SPEG: variants seen among roughly 807,000 people sequenced by gnomAD.
SPEG encodes the protein striated muscle preferentially expressed protein kinase.
A neutral mutation model predicts 300.4 loss-of-function variants in SPEG; 114 were observed. That is an observed-to-expected ratio of 0.38 (90% CI 0.33 to 0.44). SPEG has a LOEUF of 0.44. Ranked by LOEUF, SPEG falls within the 20% of genes least tolerant of loss-of-function variation. SPEG has a pLI of 1.00. For missense variants in SPEG, 4,201 were observed against 4,586.2 expected, an observed-to-expected ratio of 0.92 and a Z score of 2.43; for synonymous variants, 1,964 against 2,018.9, an observed-to-expected ratio of 0.97 and a Z score of 0.73.
At chr2:219,454,549 G>A (rs76942596) in intron 6 of SPEG, among the ~76,000 whole-genome samples, 1,554 of 152,292 alleles carry the variant, frequency 0.01, 21 homozygotes, top group African/African-American at 0.035. Flanking sequence ...GCCCTTTCAC[G>A]TCTCTTCCCT....
In SPEG at chr2:219,493,597, T is replaced by C. The variant is rs756326894; in HGVS notation, c.*811T>C. The C allele has an allele frequency of 2.1e-6, 1 of 465,474 alleles. No homozygotes were observed. Among genetic ancestry groups the C allele is most frequent in the East Asian group, 6.5e-5 (1 of 15,438 alleles). 28.8% of individuals were successfully genotyped at this position (465,474 alleles called of 1,614,324 possible). A position where few individuals can be genotyped will look rare whatever the true frequency, so the allele number is the denominator to read the frequency against. Reference sequence around the variant, plus strand: ...TCCCAGCCATCCAGCTGTCTGTCTGTCTGCCACAAGGAAATAAAAATGGCA... The same window carrying C: ...TCCCAGCCATCCAGCTGTCTGTCTGCCTGCCACAAGGAAATAAAAATGGCA... On this transcript the variant is annotated 3_prime_UTR_variant, in exon 41 of 41. Coordinates refer to ENST00000312358, the MANE Select transcript of SPEG (RefSeq NM_005876.5).
Position 219,477,061 on chromosome 2 carries a change from A to G in SPEG, c.4560+79A>G. 7.8e-7 allele frequency: 1 copy of G among 1,288,158 alleles called. No individual in the cohort carries two copies. The highest frequency in any genetic ancestry group is 1.1e-6 in the Non-Finnish European group (1 of 926,458). The allele number at this position is 1,288,158 out of a possible 1,614,324, so 79.8% of individuals were successfully genotyped here. A position where few individuals can be genotyped will look rare whatever the true frequency, so the allele number is the denominator to read the frequency against. ...GCGTGGGAGGGTCCTGGAAGGCCTT[A>G]GGAGGGCGGAGCCCGGGCAGAGGCG... On this transcript the variant is annotated intron_variant, in intron 19 of 40. Coordinates refer to ENST00000312358, the MANE Select transcript of SPEG (RefSeq NM_005876.5). This position sits in a 1 kb window ranked among gnomAD's most constrained non-coding sequence, Gnocchi z 6.4.
chr2:219,489,687 G>A lies in SPEG; in HGVS notation c.8669G>A (p.Gly2890Glu), dbSNP rs372724045. The change falls in exon 36 of 41, where the codon GGG becomes GAG. Residue 2890 changes from glycine (G) to glutamate (E), a missense_variant. Gly to Glu is a moderately conservative substitution (Grantham distance 98). Around this residue, in one of 4 missense-constraint regions of SPEG, gnomAD observed 1,578 missense variants for 1,506.0 expected, o/e 1.05. Coordinates refer to ENST00000312358, the MANE Select transcript of SPEG (RefSeq NM_005876.5). The stretch of plus-strand genomic sequence containing the variant: ...CCGATCCCAGCCTCCACTCCTCAAG[G>A]GGTTAAACCAGTGTCTTCCTCTACT... ...GTPIPASTPQ[G>E]VKPVSSSTPV... 25 of 1,613,964 alleles carry A rather than the reference G, an allele frequency of 1.5e-5. No homozygotes were observed. The African/African-American group carries it at 3.3e-4, about 22-fold the overall frequency.
At position 219,435,135 on chromosome 2, in the gene SPEG, C is replaced by T. The variant is rs1202434599; in HGVS notation, c.158C>T (p.Ala53Val). Residue 53 changes from alanine (A) to valine (V), a missense_variant, in exon 1 of 41, where the codon GCG becomes GTG. This residue lies in a region of SPEG where 1,258 missense variants were observed against 1,293.9 expected (regional missense o/e 0.97). Coordinates refer to ENST00000312358, the MANE Select transcript of SPEG (RefSeq NM_005876.5). ...PVFLRPLKNA[A>V]VCAGSDVRLR... ...TTCCTGCGGCCCCTGAAGAACGCGG[C>T]GGTGTGCGCGGGCAGCGACGTGCGG... is the stretch of plus-strand genomic sequence containing the variant. 4 of 1,456,744 alleles carry T rather than the reference C, an allele frequency of 2.7e-6. No homozygotes were observed. The highest frequency in any genetic ancestry group is 2.6e-5 in the Admixed American group (1 of 37,788). The allele number at this position is 1,456,744 out of a possible 1,614,324, so 90.2% of individuals were successfully genotyped here.
In SPEG at chr2:219,449,266, A is replaced by C; in HGVS notation, c.2108A>C (p.Glu703Ala). 2.2e-6 allele frequency: 3 copies of C among 1,385,684 alleles called. No homozygotes were observed. The highest frequency in any genetic ancestry group is 2.8e-6 in the Non-Finnish European group (3 of 1,070,800). 85.8% of individuals were successfully genotyped at this position (1,385,684 alleles called of 1,614,324 possible). A position where few individuals can be genotyped will look rare whatever the true frequency, so the allele number is the denominator to read the frequency against. Residue 703 changes from glutamate (E) to alanine (A), a missense_variant, in exon 4 of 41, where the codon GAG becomes GCG. Transcript: ENST00000312358. ...KGRRARPTSP[E>A]LESSDDSYVS... is the part of the protein sequence containing the mutation. ...CGCCGGGCCCGGCCCACCTCCCCTGAGCTCGGTAAGGCCTCAGGGAGGGCT... is the reference window on the plus strand; with the variant it reads ...CGCCGGGCCCGGCCCACCTCCCCTGCGCTCGGTAAGGCCTCAGGGAGGGCT...
chr2:219,451,910 G>A lies in SPEG; in HGVS notation c.2440+103G>A. 1 of 1,243,344 alleles carries A rather than the reference G, an allele frequency of 8.0e-7. No homozygotes were observed. Among genetic ancestry groups the A allele is most frequent in the Non-Finnish European group, 1.1e-6 (1 of 926,138 alleles). 77.0% of individuals were successfully genotyped at this position (1,243,344 alleles called of 1,614,324 possible). On this transcript the variant is annotated intron_variant, in intron 6 of 40. Coordinates refer to ENST00000312358, the MANE Select transcript of SPEG (RefSeq NM_005876.5). The surrounding 1 kb of genome is among the most constrained non-coding windows in gnomAD (Gnocchi z 6.4). ...CTTCCCACTCTCAGCCTTGAGCTTG[G>A]GCACCCCGCCAGCATACTTAGTCCA...
rs997268636 is a variant in SPEG, at chr2:219,473,974, C to T, written c.4447+71C>T. Reference sequence around the variant, plus strand: ...AGCTCTCTACTCACACCCCCAGGTACACAACCTGCCTGACACTGCTGCAGA... The same window carrying T: ...AGCTCTCTACTCACACCCCCAGGTATACAACCTGCCTGACACTGCTGCAGA... On this transcript the variant is annotated intron_variant, in intron 18 of 40. Coordinates refer to ENST00000312358, the MANE Select transcript of SPEG (RefSeq NM_005876.5). This position sits in a 1 kb window ranked among gnomAD's most constrained non-coding sequence, Gnocchi z 4.6. 2.3e-5 allele frequency: 35 copies of T among 1,496,670 alleles called. No homozygotes were observed. The African/African-American group carries it at 4.4e-4, about 19-fold the overall frequency. The allele number at this position is 1,496,670 out of a possible 1,614,324, so 92.7% of individuals were successfully genotyped here.
chr2:219,464,832 C>T lies in SPEG; in HGVS notation c.2881+224C>T, dbSNP rs1196511152. The T allele has an allele frequency of 1.9e-6, 1 of 539,300 alleles. No individual in the cohort carries two copies. Among genetic ancestry groups the T allele is most frequent in the Non-Finnish European group, 3.3e-6 (1 of 303,600 alleles). 33.4% of individuals were successfully genotyped at this position (539,300 alleles called of 1,614,324 possible). A position where few individuals can be genotyped will look rare whatever the true frequency, so the allele number is the denominator to read the frequency against. On this transcript the variant is annotated intron_variant, in intron 9 of 40. Coordinates refer to ENST00000312358, the MANE Select transcript of SPEG (RefSeq NM_005876.5). This position sits in a 1 kb window ranked among gnomAD's most constrained non-coding sequence, Gnocchi z 4.5. ...ATTGTTCCGTGCTCAGCTTACTACA[C>T]AACACCACCTTCCCTGTTGCTCCAT...
In SPEG at chr2:219,481,648, G is replaced by A. The variant is rs759067349; in HGVS notation, c.5533G>A (p.Ala1845Thr). 6.8e-6 allele frequency: 11 copies of A among 1,613,952 alleles called. No homozygotes were observed. Among genetic ancestry groups the A allele is most frequent in the South Asian group, 3.3e-5 (3 of 91,078 alleles). ...VLVQDRLRPT[A>T]EETLEHPWFK... ...CTCATTCATTCACAGGAGACCTACC[G>A]CAGAAGAGACCCTAGAACATCCTTG... is the stretch of plus-strand genomic sequence containing the variant. The change falls in exon 28 of 41, where the codon GCA (alanine) becomes ACA (threonine). Residue 1845 changes from alanine to threonine, a missense_variant. Transcript: ENST00000312358. This position sits in a 1 kb window ranked among gnomAD's most constrained non-coding sequence, Gnocchi z 5.4.
chr2:219,485,894 G>A (rs1693371308), intron 31 of SPEG, among the ~76,000 whole-genome samples: 1 of 152,050 alleles, frequency 6.6e-6, no homozygotes, highest in Admixed American at 6.5e-5. Flanking sequence ...CTCTCTCCTG[G>A]GAGACCCTAG....
At chr2:219,446,709 C>A (rs1575050750) in intron 3 of SPEG, among the ~76,000 whole-genome samples, 1 of 152,102 alleles carries the variant, frequency 6.6e-6, no homozygotes, top group African/African-American at 2.4e-5. Context: ...AGGATTCTGA[C>A]TGCCTGGGTT....
Position 219,479,008 on chromosome 2 carries a change from G to C in SPEG, c.5028-136G>C, listed in dbSNP as rs960263787. ...GGGAGGGGGTACACGTGGAGGAGCG[G>C]AGAGGCAGTCTCTGGCTAGTATCAA... is the stretch of plus-strand genomic sequence containing the variant. On this transcript the variant is annotated intron_variant, in intron 22 of 40. Coordinates refer to ENST00000312358, the MANE Select transcript of SPEG (RefSeq NM_005876.5). This position sits in a 1 kb window ranked among gnomAD's most constrained non-coding sequence, Gnocchi z 5.5. The C allele has an allele frequency of 8.2e-6, 6 of 732,852 alleles. No homozygotes were observed. The highest frequency in any genetic ancestry group is 1.4e-5 in the Non-Finnish European group (6 of 423,160). 45.4% of individuals were successfully genotyped at this position (732,852 alleles called of 1,614,324 possible).
Position 219,440,135 on chromosome 2 carries a change from C to T in SPEG, c.389-4518C>T, listed in dbSNP as rs1202773900. 2.6e-5 allele frequency among the ~76,000 whole-genome samples: 4 copies of T among 152,200 alleles called. No homozygotes were observed. The East Asian group carries it at 7.7e-4, about 29-fold the overall frequency. ...CGGTGGCTCATGCCTATCATCCCAG[C>T]ATTTTGGAATGCCGAGGCAGGAGAA... On this transcript the variant is annotated intron_variant, in intron 1 of 40. Transcript: ENST00000312358.
Position 219,448,444 on chromosome 2 carries a change from C to G in SPEG, c.1286C>G (p.Pro429Arg), listed in dbSNP as rs977153965. Residue 429 changes from proline (P) to arginine (R), a missense_variant, in exon 4 of 41, where the codon CCC (proline) becomes CGC (arginine). Around this residue, in one of 4 missense-constraint regions of SPEG, gnomAD observed 1,258 missense variants for 1,293.9 expected, o/e 0.97. Coordinates refer to ENST00000312358, the MANE Select transcript of SPEG (RefSeq NM_005876.5). ...SPPAPLRPWV[P>R]LRKARSLEQP... ...CCGGCGCCCCTGCGGCCCTGGGTGC[C>G]CCTGCGCAAGGCCCGCTCTCTGGAG... 2.3e-5 allele frequency: 35 copies of G among 1,510,162 alleles called. No individual in the cohort carries two copies. The African/African-American group carries it at 4.7e-4, about 20-fold the overall frequency. The allele number at this position is 1,510,162 out of a possible 1,614,324, so 93.5% of individuals were successfully genotyped here.
At chr2:219,456,119 C>T (rs1690160046) in intron 6 of SPEG, among the ~76,000 whole-genome samples, 1 of 152,242 alleles carries the variant, frequency 6.6e-6, no homozygotes, top group African/African-American at 2.4e-5. Flanking sequence ...GCAAGTTGGA[C>T]ACTTGGGACA....
chr2:219,477,674 A>T lies in SPEG; in HGVS notation c.4730-15A>T, dbSNP rs201820501. On this transcript the variant is annotated splice_polypyrimidine_tract_variant and intron_variant, in intron 20 of 40. Transcript: ENST00000312358. This position sits in a 1 kb window ranked among gnomAD's most constrained non-coding sequence, Gnocchi z 6.4. ...TCTTCCCCTCCCACCTAACACCATG[A>T]CATCTCTGCCCCAGCTCAGACAGCT... is the stretch of plus-strand genomic sequence containing the variant. 44 of 1,552,194 alleles carry T rather than the reference A, an allele frequency of 2.8e-5. No individual in the cohort carries two copies. The highest frequency in any genetic ancestry group is 1.4e-4 in the African/African-American group (10 of 72,952).
At chr2:219,471,796 G>A (rs1691897574) in intron 13 of SPEG, 72 bp from the exon 14 acceptor site, 8 of 1,587,566 alleles carry the variant, frequency 5.0e-6, no homozygotes, top group South Asian at 2.3e-5. Context: ...GACCAGGCCC[G>A]GGATGGCATG....
intron 6 of SPEG, among the ~76,000 whole-genome samples, chr2:219,452,286 G>T (rs949000454): frequency 2.0e-5 from 3 of 152,064 alleles, no homozygotes; most frequent in Non-Finnish European, 4.4e-5. Flanking sequence ...TACTTTTCTT[G>T]AACCCAAAGT....
At position 219,461,504 on chromosome 2, in the gene SPEG, T is replaced by C. The variant is rs559687860; in HGVS notation, c.2441-378T>C. 2.9e-5 allele frequency: 32 copies of C among 1,085,832 alleles called. 1 individual carries two copies. In the South Asian group the frequency reaches 9.5e-4, roughly 32 times the overall value. The allele number at this position is 1,085,832 out of a possible 1,614,324, so 67.3% of individuals were successfully genotyped here. A position where few individuals can be genotyped will look rare whatever the true frequency, so the allele number is the denominator to read the frequency against. ...GTTCCATAGACCTGCTTCCCCTGCT[T>C]TTGGAGCCTGCAGTTGGTAGTTTAG... On this transcript the variant is annotated intron_variant, in intron 6 of 40. Coordinates refer to ENST00000312358, the MANE Select transcript of SPEG (RefSeq NM_005876.5).
Sources: gnomAD v4.1 joint callset for allele counts (sites outside exome capture counted in the v4.1 genomes callset) on GRCh38, gnomAD v4.1.1 for gene constraint, gnomAD v4.1.1 regional missense constraint, Gnocchi (gnomAD v3.1) non-coding constraint, MANE v1.5 for transcripts, NCBI Gene and HGNC (gene_info 2026-07-23, HGNC 2026-07-21) for gene names.